PRKCQ: variants seen among roughly 807,000 people sequenced by gnomAD.
The protein encoded by PRKCQ is protein kinase C theta, also known as protein kinase C theta type.
Under a neutral mutation model 91.2 loss-of-function variants are expected in PRKCQ, and 41 were observed. The ratio of observed to expected loss-of-function variants is 0.45; its 90% CI spans 0.35 to 0.58. The LOEUF is 0.58. PRKCQ is among the 20% of genes least tolerant of loss of function. The pLI is 0.00. For synonymous variants in PRKCQ, 307 were observed against 316.9 expected (o/e 0.97, Z 0.33); for missense variants, 673 against 896.5 (o/e 0.75, Z 3.18).
intron 1 of PRKCQ, among the ~76,000 whole-genome samples, chr10:6,577,909 C>CAA (rs1329314956): frequency 6.6e-6 from 1 of 152,202 alleles, no homozygotes; most frequent in Non-Finnish European, 1.5e-5. Context: ...ACTTGTACCA[C>CAA]AAGCCCATAC....
At chr10:6,408,046 GTTTTTTTTTTTT>G in the PRKCQ span, among the ~76,000 whole-genome samples, 70 of 84,232 alleles carry the variant, frequency 8.3e-4, no homozygotes, top group African/African-American at 3.5e-3. Context: ...TCTTGTGTCA[GTTTTTTTTTTTT>G]TTTTTTTTTT....
rs1209225251 is a variant in PRKCQ at position 6,455,884 on chromosome 10, TA to T, written c.1647+789del. Among the ~76,000 whole-genome samples, 21 of 152,332 alleles carry T rather than the reference TA, an allele frequency of 1.4e-4. No individual in the cohort carries two copies. The South Asian group carries it at 1.7e-3, about 12-fold the overall frequency. On this transcript the variant is annotated intron_variant, in intron 15 of 17. Coordinates refer to ENST00000263125, the MANE Select transcript of PRKCQ (RefSeq NM_006257.5). ...ACAATTATTTCGAAATGAAAATTTT[TA>T]AAAAGTGAATATGAATCTGTCCATG...
At chr10:6,522,741 T>C (rs1454101814) in intron 1 of PRKCQ, among the ~76,000 whole-genome samples, 1 of 152,180 alleles carries the variant, frequency 6.6e-6, no homozygotes, top group Non-Finnish European at 1.5e-5. Flanking sequence ...AGAATTAAAA[T>C]AACAATAGTC....
At chr10:6,460,850 TCCATCCAA>T (rs1431054980) in intron 14 of PRKCQ, among the ~76,000 whole-genome samples, 1 of 151,418 alleles carries the variant, frequency 6.6e-6, no homozygotes, top group African/African-American at 2.4e-5. Flanking sequence ...ATCCCATCCA[TCCATCCAA>T]CCATCTGTTC....
intron 17 of PRKCQ, among the ~76,000 whole-genome samples, chr10:6,429,937 C>T (rs1176318013): frequency 6.7e-6 from 1 of 149,932 alleles, no homozygotes; most frequent in Non-Finnish European, 1.5e-5. Context: ...CTAGGCTAGT[C>T]TCAAACTTCT....
chr10:6,520,117 T>C (rs149965531), intron 1 of PRKCQ, among the ~76,000 whole-genome samples: 3 of 152,306 alleles, frequency 2.0e-5, no homozygotes, highest in Admixed American at 6.5e-5. Context: ...GGTCCCCCCA[T>C]AGACCCCTTG....
At chr10:6,466,389 T>A (rs1752844599) in intron 12 of PRKCQ, among the ~76,000 whole-genome samples, 1 of 152,112 alleles carries the variant, frequency 6.6e-6, no homozygotes, top group Admixed American at 6.5e-5. Flanking sequence ...GTCTAAGAGA[T>A]CACAGGGCAC....
At chr10:6,467,766 G>C (rs1835766467) in intron 12 of PRKCQ, among the ~76,000 whole-genome samples, 1 of 152,186 alleles carries the variant, frequency 6.6e-6, no homozygotes. Flanking sequence ...AATGAACCCT[G>C]TCCATGAAAA....
chr10:6,401,888 C>T, the PRKCQ span, among the ~76,000 whole-genome samples: 4 of 152,214 alleles, frequency 2.6e-5, no homozygotes, highest in Admixed American at 2.6e-4. Context: ...TTCTTCCCAT[C>T]TCTAATCCTG....
At chr10:6,575,088 A>G (rs536275987) in intron 1 of PRKCQ, among the ~76,000 whole-genome samples, 12 of 152,366 alleles carry the variant, frequency 7.9e-5, no homozygotes, top group African/African-American at 2.9e-4. Context: ...TAGAGGAAAA[A>G]AGAGACAGAA....
At chr10:6,514,350 G>A (rs148903725) in intron 2 of PRKCQ, among the ~76,000 whole-genome samples, 5 of 151,430 alleles carry the variant, frequency 3.3e-5, no homozygotes, top group Admixed American at 6.6e-5. Flanking sequence ...GAAGCCGGCC[G>A]ACGTGACCAC....
At chr10:6,493,038 T>A (rs1045323183) in intron 7 of PRKCQ, among the ~76,000 whole-genome samples, 23 of 152,334 alleles carry the variant, frequency 1.5e-4, no homozygotes, top group South Asian at 1.0e-3. Flanking sequence ...ATTCCACAGT[T>A]TAAATATGGA....
chr10:6,527,207 G>A (rs1373237792), intron 1 of PRKCQ, among the ~76,000 whole-genome samples: 1 of 152,174 alleles, frequency 6.6e-6, no homozygotes, highest in Non-Finnish European at 1.5e-5. Flanking sequence ...TAAGACACAT[G>A]AACTAAGGAT....
At chr10:6,396,448 T>G in the PRKCQ span, among the ~76,000 whole-genome samples, 3 of 152,218 alleles carry the variant, frequency 2.0e-5, no homozygotes, top group African/African-American at 7.2e-5. Flanking sequence ...AGTCTCCCCA[T>G]GTCAAGCCCT....
intron 3 of PRKCQ, 74 bp downstream of exon 3, chr10:6,510,921 C>A: frequency 6.4e-7 from 1 of 1,563,032 alleles, no homozygotes; most frequent in Non-Finnish European, 8.8e-7. Context: ...CTCAGATTGA[C>A]ATGGGAGTTC....
At chr10:6,470,410 G>A (rs903462449) in intron 12 of PRKCQ, among the ~76,000 whole-genome samples, 50 of 152,128 alleles carry the variant, frequency 3.3e-4, no homozygotes, top group Admixed American at 1.2e-3. Flanking sequence ...AGAGTCCCAT[G>A]CGTGTCACCT....
rs539461381 is a variant in PRKCQ, at chr10:6,498,570, G to C, written c.380-12C>G. ...CATGTCCTTTGTGTCTACAGGAAGA[G>C]AGAGGGGAAGAAAGTGAAGTTCTGC... On this transcript the variant is annotated splice_polypyrimidine_tract_variant and intron_variant, in intron 4 of 17. Coordinates refer to ENST00000263125, the MANE Select transcript of PRKCQ (RefSeq NM_006257.5). 1.4e-5 allele frequency: 22 copies of C among 1,612,458 alleles called. No homozygotes were observed. In the African/African-American group the frequency reaches 2.4e-4, roughly 18 times the overall value.
At chr10:6,399,148 A>G in the PRKCQ span, among the ~76,000 whole-genome samples, 1 of 152,224 alleles carries the variant, frequency 6.6e-6, no homozygotes, top group South Asian at 2.1e-4. Context: ...TGTAGATATG[A>G]AAAGGCAGCC....
intron 1 of PRKCQ, among the ~76,000 whole-genome samples, chr10:6,529,435 C>T (rs1448260760): frequency 6.6e-6 from 1 of 152,184 alleles, no homozygotes; most frequent in African/African-American, 2.4e-5. Context: ...TTCTTCCTGT[C>T]ATGTAGGTGC....
Sources: gnomAD v4.1 joint callset for allele counts (sites outside exome capture counted in the v4.1 genomes callset) on GRCh38, gnomAD v4.1.1 for gene constraint, MANE v1.5 for transcripts, NCBI Gene and HGNC (gene_info 2026-07-23, HGNC 2026-07-21) for gene names.